TUBB8B: variants seen among roughly 807,000 people sequenced by gnomAD.
TUBB8B encodes the protein HSA18p11 beta-tubulin 4Q pseudogene.
A neutral mutation model predicts 31.9 loss-of-function variants in TUBB8B; 26 were observed. The observed-to-expected ratio is 0.81, with a 90% confidence interval of 0.60 to 1.13. The LOEUF (loss-of-function observed/expected upper bound fraction) is 1.13, where lower values mean the gene tolerates loss of function less well. TUBB8B is among the 50% of genes most tolerant of loss of function. The pLI, the probability that TUBB8B is intolerant of heterozygous loss-of-function variation, is 0.00. For synonymous variants in TUBB8B, 173 were observed against 231.0 expected (o/e 0.75, Z 2.28); for missense variants, 467 against 586.7 (o/e 0.80, Z 2.11).
At chr18:52,370 G>A (rs919088410), upstream of TUBB8B, among the ~76,000 whole-genome samples, 1 of 151,448 alleles carries the variant, frequency 6.6e-6, no homozygotes. Flanking sequence ...AGTCCAAAAA[G>A]AGAAAGTGGC....
the TUBB8B span, among the ~76,000 whole-genome samples, chr18:66,564 A>C: frequency 2.0e-5 from 3 of 152,318 alleles, no homozygotes; most frequent in South Asian, 6.2e-4. Flanking sequence ...AAAAATAAAA[A>C]TAAAGCAATT....
At chr18:73,382 C>G in the TUBB8B span, 1 of 165,196 alleles carries the variant, frequency 6.1e-6, no homozygotes, top group Non-Finnish European at 1.5e-5. Flanking sequence ...GGACGCGGCC[C>G]CAGGTGTCCC....
chr18:71,569 T>A, the TUBB8B span, among the ~76,000 whole-genome samples: 2,610 of 57,554 alleles, frequency 0.045, 95 homozygotes, highest in Middle Eastern at 0.087. Context: ...AAAAAAAATT[T>A]AAAAAAAAAA....
chr18:72,002 C>T, the TUBB8B span, among the ~76,000 whole-genome samples: 2 of 152,016 alleles, frequency 1.3e-5, no homozygotes, highest in Non-Finnish European at 2.9e-5. Context: ...ATTGGTGAAA[C>T]CCCATCTCTA....
At chr18:63,720 CCTAACCCCTAACCCTAACT>C in the TUBB8B span, among the ~76,000 whole-genome samples, 1 of 147,460 alleles carries the variant, frequency 6.8e-6, no homozygotes, top group African/African-American at 2.6e-5. Context: ...TAACACTAAC[CCTAACCCCTAACCCTAACT>C]CTAACCCTAA....
At chr18:65,130 G>C in the TUBB8B span, among the ~76,000 whole-genome samples, 1 of 151,954 alleles carries the variant, frequency 6.6e-6, no homozygotes, top group Non-Finnish European at 1.5e-5. Context: ...GTGAAACCCT[G>C]TCTCTACTAA....
the TUBB8B span, among the ~76,000 whole-genome samples, chr18:59,129 T>C: frequency 2.0e-5 from 3 of 151,758 alleles, no homozygotes; most frequent in East Asian, 1.9e-4. Context: ...ACCTCCAACA[T>C]TGGGAATTAC....
chr18:50,871 TA>T (rs1197547592), upstream of TUBB8B, among the ~76,000 whole-genome samples: 1 of 152,068 alleles, frequency 6.6e-6, no homozygotes, highest in Non-Finnish European at 1.5e-5. Context: ...CCTCTGCAAT[TA>T]ATTATAGTCA....
chr18:50,391 T>G (rs138179418), upstream of TUBB8B: 1 of 158,982 alleles, frequency 6.3e-6, no homozygotes, highest in Non-Finnish European at 1.4e-5. Flanking sequence ...CAGAAAGGTA[T>G]CGGAGTACAT....
chr18:60,335 C>T, the TUBB8B span, among the ~76,000 whole-genome samples: 1 of 151,540 alleles, frequency 6.6e-6, no homozygotes, highest in Non-Finnish European at 1.5e-5. Context: ...CCTTTTTCAC[C>T]TTTGATTTTA....
At chr18:54,576 A>C (rs1456531575), upstream of TUBB8B, among the ~76,000 whole-genome samples, 1 of 151,822 alleles carries the variant, frequency 6.6e-6, no homozygotes. Flanking sequence ...TATACTCTCT[A>C]TGACATCAAT....
chr18:66,980 T>C, the TUBB8B span, among the ~76,000 whole-genome samples: 1 of 148,320 alleles, frequency 6.7e-6, no homozygotes, highest in Non-Finnish European at 1.5e-5. Flanking sequence ...GTACAAGTTA[T>C]TTTCTTGTTT....
At chr18:63,898 C>T in the TUBB8B span, among the ~76,000 whole-genome samples, 10 of 135,556 alleles carry the variant, frequency 7.4e-5, no homozygotes, top group Non-Finnish European at 1.6e-4. Flanking sequence ...CCTAACCCTA[C>T]CCCTAACCCC....
chr18:48,780 C>A, intron 3 of TUBB8B, 160 bp downstream of exon 3: 1 of 717,962 alleles, frequency 1.4e-6, no homozygotes, highest in Non-Finnish European at 2.5e-6. Flanking sequence ...GCCTTCCTCC[C>A]GAAGCCCATT....
the TUBB8B span, among the ~76,000 whole-genome samples, chr18:63,480 T>A: frequency 6.6e-6 from 1 of 150,856 alleles, no homozygotes; most frequent in Non-Finnish European, 1.5e-5. Flanking sequence ...GGAGCTGGAG[T>A]TGGGGTAATA....
At chr18:50,439 T>G (rs4121573), upstream of TUBB8B, 1 of 153,512 alleles carries the variant, frequency 6.5e-6, no homozygotes, top group Non-Finnish European at 1.4e-5. Context: ...GTTCCTCAAT[T>G]TTGGACAGGT....
chr18:49,620 C>A (rs555358115), upstream of TUBB8B: 128 of 753,180 alleles, frequency 1.7e-4, no homozygotes, highest in African/African-American at 1.9e-3. Context: ...CGCAGCGACC[C>A]AGCCCGCCCT....
chr18:72,177 C>CAAAAAAA, the TUBB8B span, among the ~76,000 whole-genome samples: 333 of 78,366 alleles, frequency 4.2e-3, no homozygotes, highest in Middle Eastern at 6.3e-3. Flanking sequence ...GACTCCATCT[C>CAAAAAAA]AAAAAAAAAA....
At chr18:69,082 T>A in the TUBB8B span, among the ~76,000 whole-genome samples, 1 of 152,176 alleles carries the variant, frequency 6.6e-6, no homozygotes, top group Non-Finnish European at 1.5e-5. Flanking sequence ...AATTTGTAGA[T>A]CAAGGAAATA....
Sources: allele counts gnomAD v4.1 joint callset (sites outside exome capture counted in the v4.1 genomes callset), GRCh38; gene constraint gnomAD v4.1.1; transcripts MANE v1.5; gene names NCBI Gene and HGNC (gene_info 2026-07-23, HGNC 2026-07-21).